Variants in LMCD1 observed in about 807,000 individuals in gnomAD.
LMCD1 encodes LIM and cysteine rich domains 1.
A neutral mutation model predicts 42.7 loss-of-function variants in LMCD1; 32 were observed. The ratio of observed to expected loss-of-function variants is 0.75; its 90% CI spans 0.57 to 1.01. The LOEUF is 1.01. LMCD1 is among the 50% of genes least tolerant of loss of function. The probability of loss-of-function intolerance (pLI) is 0.00; values close to 1 mark genes in which losing one functional copy is unlikely to be tolerated. For missense variants in LMCD1, 458 were observed against 483.1 expected, an observed-to-expected ratio of 0.95 and a Z score of 0.49; for synonymous variants, 178 against 184.9, an observed-to-expected ratio of 0.96 and a Z score of 0.30.
chr3:8,502,310 TAAA>T (rs1268732869), intron 1 of LMCD1, among the ~76,000 whole-genome samples: 2 of 26,832 alleles, frequency 7.5e-5, no homozygotes, highest in African/African-American at 3.1e-4. Context: ...ATATAATATA[TAAA>T]ATATATATTA....
In LMCD1 at chr3:8,548,686, C is replaced by T. The variant is rs1263611922; in HGVS notation, c.506C>T (p.Ser169Leu). ...HQLPIYDQDP[S>L]RCRGLLENEL... ...CTCCCCATCTATGACCAGGATCCCT[C>T]GCGCTGCCGTGGACTTTTGGAGAAT... The change falls in exon 4 of 6, where the codon TCG (serine) becomes TTG (leucine). Residue 169 changes from serine (S) to leucine (L), a missense_variant. Transcript: ENST00000157600. The T allele has an allele frequency of 1.2e-6, 2 of 1,614,186 alleles. No homozygotes were observed. Among genetic ancestry groups the T allele is most frequent in the South Asian group, 2.2e-5 (2 of 91,088 alleles).
chr3:8,534,228 G>T (rs1694469962), intron 2 of LMCD1, among the ~76,000 whole-genome samples: 1 of 151,856 alleles, frequency 6.6e-6, no homozygotes, highest in African/African-American at 2.4e-5. Context: ...AATTCAATCA[G>T]TTTTCCCTTC....
At chr3:8,542,740 A>G (rs773976690) in intron 3 of LMCD1, among the ~76,000 whole-genome samples, 15 of 152,240 alleles carry the variant, frequency 9.9e-5, no homozygotes, top group Non-Finnish European at 1.9e-4. Flanking sequence ...CTGGGTTCAT[A>G]GCTGTCTCTA....
chr3:8,545,398 C>T (rs530899102), intron 3 of LMCD1, among the ~76,000 whole-genome samples: 1 of 152,272 alleles, frequency 6.6e-6, no homozygotes, highest in South Asian at 2.1e-4. Flanking sequence ...AGAGTAAGAG[C>T]TCATTTAGGC....
chr3:8,567,350 T>G, intron 5 of LMCD1, 90 bp from the exon 6 acceptor site: 1 of 1,328,692 alleles, frequency 7.5e-7, no homozygotes, highest in Non-Finnish European at 1.0e-6. Context: ...TAGGATGGGA[T>G]GAACCACCAC....
At chr3:8,518,752 G>T (rs756556352) in intron 1 of LMCD1, among the ~76,000 whole-genome samples, 1 of 152,164 alleles carries the variant, frequency 6.6e-6, no homozygotes, top group Non-Finnish European at 1.5e-5. Context: ...ATTCTAAGAA[G>T]AGAGGAGAAG....
chr3:8,551,267 C>A, intron 4 of LMCD1: 1 of 985,242 alleles, frequency 1.0e-6, no homozygotes, highest in Non-Finnish European at 1.2e-6. Context: ...AAATATGTGA[C>A]CCATGAATGA....
In LMCD1 at chr3:8,565,434, C is replaced by T; in HGVS notation, c.726C>T (p.Val242=). 1 of 1,613,634 alleles carries T rather than the reference C, an allele frequency of 6.2e-7. No individual in the cohort carries two copies. Among genetic ancestry groups the T allele is most frequent in the South Asian group, 1.1e-5 (1 of 91,070 alleles). ...LSDPSKEVEY[V]CELCKGAAPP... ...ATGGTCCTTCCCCATCCTTCCAGGTCTGCGAGCTCTGCAAGGGAGCGGCCC... is the reference window on the plus strand; with the variant it reads ...ATGGTCCTTCCCCATCCTTCCAGGTTTGCGAGCTCTGCAAGGGAGCGGCCC... Residue 242 remains valine (V), a splice_region_variant and synonymous_variant, in exon 5 of 6, where the codon GTC becomes GTT. Transcript: ENST00000157600.
At chr3:8,531,382 A>G (rs1476308458) in intron 1 of LMCD1, among the ~76,000 whole-genome samples, 1 of 152,172 alleles carries the variant, frequency 6.6e-6, no homozygotes, top group South Asian at 2.1e-4. Context: ...TAATAAACTC[A>G]TATTTCCCAT....
chr3:8,551,368 G>A (rs1694835407), intron 4 of LMCD1: 2 of 983,882 alleles, frequency 2.0e-6, no homozygotes, highest in African/African-American at 3.5e-5. Context: ...CATTTATTAA[G>A]CCCCTGCTCT....
At chr3:8,525,577 A>G (rs927380671) in intron 1 of LMCD1, among the ~76,000 whole-genome samples, 1 of 152,216 alleles carries the variant, frequency 6.6e-6, no homozygotes, top group African/African-American at 2.4e-5. Context: ...CTTTGGATGT[A>G]TATCCAGATG....
At chr3:8,522,904 C>A (rs1694233979) in intron 1 of LMCD1, among the ~76,000 whole-genome samples, 5 of 152,142 alleles carry the variant, frequency 3.3e-5, no homozygotes, top group Admixed American at 2.6e-4. Context: ...ATTTGGGACA[C>A]CAGAAACTCC....
intron 1 of LMCD1, among the ~76,000 whole-genome samples, chr3:8,511,633 A>T (rs1159699148): frequency 6.6e-6 from 1 of 152,214 alleles, no homozygotes. Context: ...GTCCAGTTTT[A>T]TGCCTTCTGA....
intron 3 of LMCD1, among the ~76,000 whole-genome samples, chr3:8,547,272 C>A (rs577949261): frequency 6.6e-6 from 1 of 152,310 alleles, no homozygotes; most frequent in East Asian, 1.9e-4. Flanking sequence ...TGGGCTGGCC[C>A]AGTCACAGGA....
chr3:8,550,923 T>C, intron 4 of LMCD1: 3 of 985,422 alleles, frequency 3.0e-6, no homozygotes, highest in Non-Finnish European at 3.6e-6. Context: ...ATTTGTTCTG[T>C]GTGGAACAAA....
chr3:8,505,817 A>G lies in LMCD1; in HGVS notation c.42+3837A>G, dbSNP rs1323056683. Among the ~76,000 whole-genome samples, 3 of 151,876 alleles carry G rather than the reference A, an allele frequency of 2.0e-5. No homozygotes were observed. In the East Asian group the frequency reaches 5.8e-4, roughly 29 times the overall value. Reference sequence around the variant, plus strand: ...TCTGTACTCAGCCCTTCCTGCTTTCACCTCCACTTCCTGCAGTGTGCCAAA... The same window carrying G: ...TCTGTACTCAGCCCTTCCTGCTTTCGCCTCCACTTCCTGCAGTGTGCCAAA... On this transcript the variant is annotated intron_variant, in intron 1 of 5. Transcript: ENST00000157600.
At chr3:8,529,900 G>A (rs1329177798) in intron 1 of LMCD1, among the ~76,000 whole-genome samples, 1 of 152,076 alleles carries the variant, frequency 6.6e-6, no homozygotes, top group African/African-American at 2.4e-5. Flanking sequence ...GCCCTTTTCA[G>A]GCAGCATCCC....
chr3:8,543,535 T>C (rs1029886393), intron 3 of LMCD1, among the ~76,000 whole-genome samples: 34 of 152,180 alleles, frequency 2.2e-4, no homozygotes, highest in Admixed American at 1.6e-3. Context: ...CAGGCTAGAC[T>C]GCAGTGGTGT....
chr3:8,507,979 C>T (rs1994876), intron 1 of LMCD1, among the ~76,000 whole-genome samples: 78,622 of 151,924 alleles, frequency 0.52, 21,327 homozygotes, highest in African/African-American at 0.62. Context: ...TTGCTAGGCA[C>T]CTGTATCTCT....
Sources: allele counts gnomAD v4.1 joint callset (sites outside exome capture counted in the v4.1 genomes callset), GRCh38; gene constraint gnomAD v4.1.1; transcripts MANE v1.5; gene names NCBI Gene and HGNC (gene_info 2026-07-23, HGNC 2026-07-21).